Variants in FKBP3 observed in about 807,000 individuals in gnomAD.
FKBP3 encodes the protein FKBP prolyl isomerase 3.
A neutral mutation model predicts 30.6 loss-of-function variants in FKBP3; 21 were observed. The ratio of observed to expected loss-of-function variants is 0.69; its 90% CI spans 0.49 to 0.99. FKBP3 has a LOEUF of 0.99. FKBP3 is among the 50% of genes least tolerant of loss of function. The pLI is 0.00. For synonymous variants in FKBP3, 82 were observed against 91.3 expected, an observed-to-expected ratio of 0.90 and a Z score of 0.58; for missense variants, 283 against 261.6, an observed-to-expected ratio of 1.08 and a Z score of -0.56.
chr14:45,128,767 T>C (rs1032016557), intron 3 of FKBP3, among the ~76,000 whole-genome samples: 1 of 152,212 alleles, frequency 6.6e-6, no homozygotes, highest in African/African-American at 2.4e-5. Context: ...CTAGCTCTTA[T>C]GAATTTACCT....
rs367659655 is a variant in FKBP3, at chr14:45,134,338, G to T, written c.108+11C>A. The stretch of plus-strand genomic sequence containing the variant: ...GCCGCACCAGCCCGGCCGCCCCTAC[G>T]CCTCTGGTACCGAATCTGAACCGTG... On this transcript the variant is annotated intron_variant, in intron 1 of 6. Transcript: ENST00000396062. 7 of 1,605,730 alleles carry T rather than the reference G, an allele frequency of 4.4e-6. No individual in the cohort carries two copies. The African/African-American group carries it at 6.7e-5, about 15-fold the overall frequency.
chr14:45,128,398 A>C (rs771834489), intron 3 of FKBP3, among the ~76,000 whole-genome samples: 2 of 152,202 alleles, frequency 1.3e-5, no homozygotes, highest in African/African-American at 2.4e-5. Flanking sequence ...GAAAATGTCA[A>C]ATACTTTATG....
chr14:45,115,949 GAGGTAAA>G lies in FKBP3; in HGVS notation c.*242_*248del. ...ATTGAGCCACTTAAGTTTACAACAT[GAGGTAAA>G]AGGAAAAAGTTCTCCTTGACCAGTA... is the stretch of plus-strand genomic sequence containing the variant. On this transcript the variant is annotated 3_prime_UTR_variant, in exon 7 of 7. Coordinates refer to ENST00000396062, the MANE Select transcript of FKBP3 (RefSeq NM_002013.4). The G allele has an allele frequency of 2.4e-6, 1 of 423,274 alleles. No homozygotes were observed. Among genetic ancestry groups the G allele is most frequent in the South Asian group, 3.8e-5 (1 of 26,002 alleles). The allele number at this position is 423,274 out of a possible 1,614,324, so 26.2% of individuals were successfully genotyped here.
Position 45,118,133 on chromosome 14 carries a change from C to A in FKBP3, c.523-8G>T. Reference sequence around the variant, plus strand: ...CAAGAGAGCTTCATCCCACTAAAGGCAAGAACAAAATAAAAACTAATGGTA... The same window carrying A: ...CAAGAGAGCTTCATCCCACTAAAGGAAAGAACAAAATAAAAACTAATGGTA... On this transcript the variant is annotated splice_region_variant and splice_polypyrimidine_tract_variant and intron_variant, in intron 5 of 6. Coordinates refer to ENST00000396062, the MANE Select transcript of FKBP3 (RefSeq NM_002013.4). The A allele has an allele frequency of 6.4e-7, 1 of 1,569,752 alleles. No homozygotes were observed. Among genetic ancestry groups the A allele is most frequent in the Non-Finnish European group, 8.6e-7 (1 of 1,159,466 alleles).
Position 45,118,039 on chromosome 14 carries a change from C to G in FKBP3, c.609G>C (p.Gln203His). The change falls in exon 6 of 7, where the codon CAG (glutamine) becomes CAC (histidine). Residue 203 changes from glutamine to histidine, a missense_variant. Gln to His is a conservative substitution (Grantham distance 24, BLOSUM62 0). Coordinates refer to ENST00000396062, the MANE Select transcript of FKBP3 (RefSeq NM_002013.4). ...EPEWAYGKKG[Q>H]PDAKIPPNAK... ...GGAAAAAAGGATACTTGGCATCAGG[C>G]TGTCCTTTCTTTCCGTAAGCCCATT... 2 of 1,595,632 alleles carry G rather than the reference C, an allele frequency of 1.3e-6. No individual in the cohort carries two copies. The highest frequency in any genetic ancestry group is 1.7e-6 in the Non-Finnish European group (2 of 1,171,520).
intron 6 of FKBP3, among the ~76,000 whole-genome samples, chr14:45,117,481 ATT>A (rs146055248): frequency 6.7e-6 from 1 of 149,868 alleles, no homozygotes; most frequent in African/African-American, 2.4e-5. Flanking sequence ...GTCATTCCTT[ATT>A]TTTTTTTTAA....
chr14:45,118,303 A>C (rs1336902743), intron 5 of FKBP3, among the ~76,000 whole-genome samples, 178 bp from the exon 6 acceptor site: 1 of 152,096 alleles, frequency 6.6e-6, no homozygotes, highest in African/African-American at 2.4e-5. Flanking sequence ...CCATTTCTTC[A>C]ATAGAAAAAA....
chr14:45,131,716 T>C (rs1885220087), intron 1 of FKBP3, among the ~76,000 whole-genome samples: 1 of 151,204 alleles, frequency 6.6e-6, no homozygotes, highest in Admixed American at 6.6e-5. Context: ...TCCATATCTG[T>C]AGTGGAAGAT....
intron 6 of FKBP3, among the ~76,000 whole-genome samples, chr14:45,116,603 CCCA>C (rs1279078583): frequency 6.6e-6 from 1 of 152,038 alleles, no homozygotes; most frequent in Non-Finnish European, 1.5e-5. Context: ...CACCTGTAAT[CCCA>C]CCACTTTAGG....
At chr14:45,128,455 ATGT>A (rs567630703) in intron 3 of FKBP3, among the ~76,000 whole-genome samples, 63 of 152,358 alleles carry the variant, frequency 4.1e-4, no homozygotes, top group Middle Eastern at 3.4e-3. Flanking sequence ...GATAGTATAA[ATGT>A]TGTTGAGTAG....
intron 1 of FKBP3, among the ~76,000 whole-genome samples, chr14:45,132,269 C>A (rs1416098064): frequency 6.6e-6 from 1 of 152,146 alleles, no homozygotes; most frequent in African/African-American, 2.4e-5. Context: ...CTTTAGCATG[C>A]TGGTGGTTTC....
At chr14:45,122,514 T>C (rs1885007507) in intron 3 of FKBP3, among the ~76,000 whole-genome samples, 1 of 152,158 alleles carries the variant, frequency 6.6e-6, no homozygotes, top group Admixed American at 6.5e-5. Flanking sequence ...ATTTCTTTTT[T>C]TTTCTGAGAT....
chr14:45,127,366 C>T (rs936902024), intron 3 of FKBP3, among the ~76,000 whole-genome samples: 1 of 146,944 alleles, frequency 6.8e-6, no homozygotes, highest in Admixed American at 6.8e-5. Context: ...CCGCCTGCCT[C>T]GGCCTCCCAA....
chr14:45,122,926 C>T (rs955375944), intron 3 of FKBP3, among the ~76,000 whole-genome samples: 1 of 151,818 alleles, frequency 6.6e-6, no homozygotes. Flanking sequence ...GGTGCGGTGG[C>T]TCACACCTGT....
At chr14:45,121,689 T>C in intron 3 of FKBP3, 69 bp from the exon 4 acceptor site, 1 of 1,539,282 alleles carries the variant, frequency 6.5e-7, no homozygotes, top group Admixed American at 1.9e-5. Flanking sequence ...TGACAAACAA[T>C]AGCCAACAAT....
chr14:45,121,446 C>A, intron 4 of FKBP3, 39 bp downstream of exon 4: 1 of 1,573,586 alleles, frequency 6.4e-7, no homozygotes, highest in Non-Finnish European at 8.7e-7. Flanking sequence ...TATTTAGAAT[C>A]TCTTTAAGCC....
At chr14:45,120,851 A>G in intron 5 of FKBP3, 36 bp downstream of exon 5, 1 of 1,535,874 alleles carries the variant, frequency 6.5e-7, no homozygotes. Context: ...AGCATATGCC[A>G]GAATATCTAC....
chr14:45,118,130 A>C lies in FKBP3; in HGVS notation c.523-5T>G, dbSNP rs1884895894. On this transcript the variant is annotated splice_region_variant and splice_polypyrimidine_tract_variant and intron_variant, in intron 5 of 6. Transcript: ENST00000396062. ...AGTCAAGAGAGCTTCATCCCACTAAAGGCAAGAACAAAATAAAAACTAATG... is the reference window on the plus strand; with the variant it reads ...AGTCAAGAGAGCTTCATCCCACTAACGGCAAGAACAAAATAAAAACTAATG... 6.3e-7 allele frequency: 1 copy of C among 1,575,964 alleles called. No individual in the cohort carries two copies. Among genetic ancestry groups the C allele is most frequent in the Admixed American group, 2.0e-5 (1 of 50,482 alleles).
intron 3 of FKBP3, among the ~76,000 whole-genome samples, chr14:45,124,222 TGCATACA>T (rs1219669071): frequency 6.6e-6 from 1 of 152,136 alleles, no homozygotes; most frequent in African/African-American, 2.4e-5. Context: ...GTAGAGCAGG[TGCATACA>T]GCATAGAAAT....
Sources: allele counts gnomAD v4.1 joint callset (sites outside exome capture counted in the v4.1 genomes callset), GRCh38; gene constraint gnomAD v4.1.1; transcripts MANE v1.5; gene names NCBI Gene and HGNC (gene_info 2026-07-23, HGNC 2026-07-21).